The following DCHS2 variants were observed in gnomAD, a reference collection of about 807,000 sequenced individuals.
DCHS2 encodes the protein dachsous cadherin-related 2, also known as protocadherin-23.
A neutral mutation model predicts 182.4 loss-of-function variants in DCHS2; 142 were observed. The ratio of observed to expected loss-of-function variants is 0.78; its 90% CI spans 0.68 to 0.89. The LOEUF is 0.89. Among genes scored for constraint, DCHS2 ranks in the 40% least tolerant of loss-of-function variants. The pLI is 0.00. For missense variants in DCHS2, 4,319 were observed against 4,198.6 expected, an observed-to-expected ratio of 1.03 and a Z score of -0.79; for synonymous variants, 1,740 against 1,663.3, an observed-to-expected ratio of 1.05 and a Z score of -1.12.
chr4:154,363,965 C>T (rs1730238455), intron 3 of DCHS2, among the ~76,000 whole-genome samples: 2 of 152,168 alleles, frequency 1.3e-5, no homozygotes, highest in Non-Finnish European at 2.9e-5. Flanking sequence ...TAAAGTAAAG[C>T]ACTACCAGTC....
chr4:154,467,603 C>G (rs1735290387), intron 1 of DCHS2, among the ~76,000 whole-genome samples: 1 of 151,874 alleles, frequency 6.6e-6, no homozygotes, highest in Non-Finnish European at 1.5e-5. Flanking sequence ...TTACCAAGAA[C>G]AAAGAGGTAT....
rs1482939711 is a variant in DCHS2, at chr4:154,298,097, C to T, written c.6217G>A (p.Val2073Met). ...DDLDLGPNGT[V>M]VFSFAETQSM... ...TGGGTCTCTGCAAAACTAAAAACCA[C>T]AGTTCCATTGGGCCCCAAGTCCAGG... Residue 2073 changes from valine (V) to methionine (M), a missense_variant, in exon 13 of 20, where the codon GTG becomes ATG. Coordinates refer to ENST00000357232, the MANE Select transcript of DCHS2 (RefSeq NM_001358235.2). 1 of 1,613,984 alleles carries T rather than the reference C, an allele frequency of 6.2e-7. No individual in the cohort carries two copies. Among genetic ancestry groups the T allele is most frequent in the Non-Finnish European group, 8.5e-7 (1 of 1,180,012 alleles).
chr4:154,331,728 G>A (rs1300893002), intron 5 of DCHS2: 1 of 1,607,210 alleles, frequency 6.2e-7, no homozygotes, highest in East Asian at 2.2e-5. Flanking sequence ...CACAAAAAGG[G>A]AGCTTCTTCT....
Position 154,329,549 on chromosome 4 carries a change from G to C in DCHS2, c.3892C>G (p.Leu1298Val), listed in dbSNP as rs79295524. Residue 1298 changes from leucine (L) to valine (V), a missense_variant, in exon 6 of 20, where the codon CTC (leucine) becomes GTC (valine). Coordinates refer to ENST00000357232, the MANE Select transcript of DCHS2 (RefSeq NM_001358235.2). ...TTCACGTGTAACTCCTTTCCAGGGA[G>C]ACACTGGGGGAAGAAGGGCCTGTTA... is the stretch of plus-strand genomic sequence containing the variant. The part of the protein sequence containing the change: ...NDNRPFFPQC[L>V]PGKELHVKVL... 16,863 of 1,613,604 alleles carry C rather than the reference G, an allele frequency of 0.01. 1,472 individuals carry two copies. In the African/African-American group the frequency reaches 0.19, roughly 18 times the overall value.
At chr4:154,244,224 T>C (rs757943505) in intron 16 of DCHS2, among the ~76,000 whole-genome samples, 1 of 152,364 alleles carries the variant, frequency 6.6e-6, no homozygotes, top group East Asian at 1.9e-4. Flanking sequence ...TGCTTTTCTA[T>C]AGTAAGTATT....
chr4:154,418,637 G>A (rs1438668149), intron 1 of DCHS2, among the ~76,000 whole-genome samples: 1 of 152,110 alleles, frequency 6.6e-6, no homozygotes, highest in Non-Finnish European at 1.5e-5. Flanking sequence ...ACTCTTTTTA[G>A]TTAAGCATTT....
intron 10 of DCHS2, among the ~76,000 whole-genome samples, chr4:154,314,300 A>G (rs1735771729): frequency 6.6e-6 from 1 of 152,168 alleles, no homozygotes; most frequent in South Asian, 2.1e-4. Flanking sequence ...AACTTTACTG[A>G]GCTAAAATTA....
intron 10 of DCHS2, among the ~76,000 whole-genome samples, chr4:154,315,397 T>C (rs1186884828): frequency 6.6e-6 from 1 of 152,166 alleles, no homozygotes; most frequent in Non-Finnish European, 1.5e-5. Context: ...TAAAGAACCA[T>C]TTATCTTCTT....
At chr4:154,488,898 GTGT>G in intron 1 of DCHS2, among the ~76,000 whole-genome samples, 1 of 13,942 alleles carries the variant, frequency 7.2e-5, no homozygotes, top group East Asian at 0.013. Flanking sequence ...GTGTGTGTGT[GTGT>G]CTGTGTGTGT....
chr4:154,361,821 T>C (rs1730137278), intron 3 of DCHS2, among the ~76,000 whole-genome samples: 1 of 152,112 alleles, frequency 6.6e-6, no homozygotes, highest in Non-Finnish European at 1.5e-5. Flanking sequence ...TATTTTTAAA[T>C]GCATGAGTCT....
At chr4:154,481,845 G>A (rs561571774) in intron 1 of DCHS2, among the ~76,000 whole-genome samples, 47 of 152,162 alleles carry the variant, frequency 3.1e-4, no homozygotes, top group Non-Finnish European at 5.3e-4. Context: ...GTTTCACTCT[G>A]CATTGCAAGC....
At chr4:154,401,096 C>T (rs1732158342) in intron 1 of DCHS2, among the ~76,000 whole-genome samples, 1 of 152,208 alleles carries the variant, frequency 6.6e-6, no homozygotes, top group Admixed American at 6.5e-5. Flanking sequence ...GCAACCACAG[C>T]TTTCATTTCT....
chr4:154,341,087 G>A (rs549457337), intron 3 of DCHS2, among the ~76,000 whole-genome samples: 21 of 152,114 alleles, frequency 1.4e-4, no homozygotes, highest in Non-Finnish European at 2.9e-4. Context: ...AAACGTTTTC[G>A]CCCGGGCGCG....
Position 154,438,755 on chromosome 4 carries a change from C to A in DCHS2, c.2052+50549G>T, listed in dbSNP as rs1733880770. 2.6e-5 allele frequency among the ~76,000 whole-genome samples: 4 copies of A among 152,192 alleles called. No homozygotes were observed. In the South Asian group the frequency reaches 8.3e-4, roughly 32 times the overall value. ...GTTGTCTATATTTCTGTTGTTATAGCAGATGTAATCATTTTTAAATTTTTT... is the reference window on the plus strand; with the variant it reads ...GTTGTCTATATTTCTGTTGTTATAGAAGATGTAATCATTTTTAAATTTTTT... On this transcript the variant is annotated intron_variant, in intron 1 of 19. Coordinates refer to ENST00000357232, the MANE Select transcript of DCHS2 (RefSeq NM_001358235.2).
intron 2 of DCHS2, among the ~76,000 whole-genome samples, chr4:154,367,353 T>C (rs867050808): frequency 7.9e-5 from 12 of 152,128 alleles, no homozygotes; most frequent in African/African-American, 2.6e-4. Context: ...CCAGAGTGGA[T>C]GGGGCCTGAA....
At chr4:154,489,119 C>T (rs895154361) in intron 1 of DCHS2, among the ~76,000 whole-genome samples, 185 bp downstream of exon 1, 1 of 107,302 alleles carries the variant, frequency 9.3e-6, no homozygotes, top group Non-Finnish European at 2.1e-5. Flanking sequence ...TAGCCAAGAC[C>T]CTGGCAAAAA....
In DCHS2 at chr4:154,418,118, A is replaced by G. The variant is rs568731625; in HGVS notation, c.2053-40674T>C. The stretch of plus-strand genomic sequence containing the variant: ...ATGGTCAAATTTCTGTCGTACAATT[A>G]TTTCTAGTTAATACAATAATTTTAA... On this transcript the variant is annotated intron_variant, in intron 1 of 19. Coordinates refer to ENST00000357232, the MANE Select transcript of DCHS2 (RefSeq NM_001358235.2). 3.3e-5 allele frequency among the ~76,000 whole-genome samples: 5 copies of G among 152,344 alleles called. No individual in the cohort carries two copies. In the South Asian group the frequency reaches 8.3e-4, roughly 25 times the overall value.
In DCHS2 at chr4:154,343,389, T is replaced by A. The variant is rs937060501; in HGVS notation, c.2477-8285A>T. On this transcript the variant is annotated intron_variant, in intron 3 of 19. Transcript: ENST00000357232. ...CAGGCATTGACTTCTCCTCTCTAGC[T>A]ATGAAAGTCCTAGATGGCATCTTAT... The A allele has an allele frequency of 1.8e-5, 23 of 1,260,362 alleles. No individual in the cohort carries two copies. In the African/African-American group the frequency reaches 3.5e-4, roughly 19 times the overall value. 78.1% of individuals were successfully genotyped at this position (1,260,362 alleles called of 1,614,324 possible). A position where few individuals can be genotyped will look rare whatever the true frequency, so the allele number is the denominator to read the frequency against.
At chr4:154,264,621 T>C (rs1405033083) in intron 14 of DCHS2, among the ~76,000 whole-genome samples, 1 of 152,186 alleles carries the variant, frequency 6.6e-6, no homozygotes, top group African/African-American at 2.4e-5. Context: ...CAGAAGCCAG[T>C]AGAATAATAT....
Sources: gnomAD v4.1 joint callset for allele counts (sites outside exome capture counted in the v4.1 genomes callset) on GRCh38, gnomAD v4.1.1 for gene constraint, MANE v1.5 for transcripts, NCBI Gene and HGNC (gene_info 2026-07-23, HGNC 2026-07-21) for gene names.